Variants in ASAP1 observed in about 807,000 individuals in gnomAD.
ASAP1 encodes the protein arf-GAP with SH3 domain, ANK repeat and PH domain-containing protein 1.
A neutral mutation model predicts 145.2 loss-of-function variants in ASAP1; 43 were observed. That is an observed-to-expected ratio of 0.30 (90% CI 0.23 to 0.38). ASAP1 has a LOEUF of 0.38. ASAP1 is among the 10% of genes least tolerant of loss of function. The pLI is 1.00. For missense variants in ASAP1, 1,018 were observed against 1,355.3 expected (o/e 0.75, Z 3.91); for synonymous variants, 546 against 515.5 (o/e 1.06, Z -0.80).
intron 27 of ASAP1, among the ~76,000 whole-genome samples, chr8:130,073,821 T>C (rs1753641847): frequency 6.6e-6 from 1 of 152,204 alleles, no homozygotes; most frequent in Non-Finnish European, 1.5e-5. Context: ...CACCTCGTGA[T>C]AGAACACACT....
At position 130,077,455 on chromosome 8, in the gene ASAP1, C is replaced by T. The variant is rs2097465380; in HGVS notation, c.2643-1049G>A. 2.0e-5 allele frequency among the ~76,000 whole-genome samples: 3 copies of T among 152,068 alleles called. No individual in the cohort carries two copies. The South Asian group carries it at 6.2e-4, about 32-fold the overall frequency. ...GCAGCAGTAGCCAAGTGCCTGAGCCCCATCTGCCAAGAACCCCTTTATTAT... is the reference window on the plus strand; with the variant it reads ...GCAGCAGTAGCCAAGTGCCTGAGCCTCATCTGCCAAGAACCCCTTTATTAT... On this transcript the variant is annotated intron_variant, in intron 26 of 29. Transcript: ENST00000518721.
At chr8:130,328,494 C>A (rs1267132887) in intron 3 of ASAP1, among the ~76,000 whole-genome samples, 1 of 152,260 alleles carries the variant, frequency 6.6e-6, no homozygotes, top group Admixed American at 6.5e-5. Flanking sequence ...AGGCCCTCCA[C>A]ACAAACACAA....
chr8:130,371,466 T>C (rs967699883), intron 2 of ASAP1, among the ~76,000 whole-genome samples: 2 of 152,200 alleles, frequency 1.3e-5, no homozygotes, highest in Non-Finnish European at 2.9e-5. Context: ...GGGGCAGCAA[T>C]GTGTTTAGCT....
chr8:130,195,174 A>G (rs1815396709), intron 5 of ASAP1: 1 of 152,154 alleles, frequency 6.6e-6, no homozygotes, highest in Admixed American at 6.5e-5. Flanking sequence ...ATTCAAGTCT[A>G]TAAGAAGTCG....
intron 24 of ASAP1, among the ~76,000 whole-genome samples, chr8:130,107,516 ATGTATGTATGTATGT>A (rs1183113836): frequency 5.4e-4 from 44 of 81,882 alleles, no homozygotes; most frequent in South Asian, 2.3e-3. Context: ...TTTTTAAAAA[ATGTATGTATGTATGT>A]ATGTATGTAT....
At chr8:130,348,802 TG>T (rs1266725370) in intron 3 of ASAP1, among the ~76,000 whole-genome samples, 9 of 152,224 alleles carry the variant, frequency 5.9e-5, no homozygotes, top group African/African-American at 2.2e-4. Flanking sequence ...TGCCATGCTC[TG>T]TACCAGTCAG....
intron 5 of ASAP1, among the ~76,000 whole-genome samples, chr8:130,209,550 T>TAAAA (rs145484434): frequency 7.2e-6 from 1 of 138,744 alleles, no homozygotes. Context: ...GCTCTTACAG[T>TAAAA]AAAAAAAAAA....
intron 1 of ASAP1, among the ~76,000 whole-genome samples, chr8:130,405,107 T>C (rs148026645): frequency 2.8e-4 from 42 of 152,068 alleles, no homozygotes; most frequent in African/African-American, 1.0e-3. Flanking sequence ...ACTGCCTAAT[T>C]CACATGGGAA....
intron 3 of ASAP1, among the ~76,000 whole-genome samples, chr8:130,349,751 G>C (rs1238514841): frequency 6.6e-6 from 1 of 152,182 alleles, no homozygotes; most frequent in Non-Finnish European, 1.5e-5. Flanking sequence ...GTCAGACCTT[G>C]ACACCCATAG....
At chr8:130,314,811 C>G (rs1823570904) in intron 3 of ASAP1, among the ~76,000 whole-genome samples, 1 of 152,206 alleles carries the variant, frequency 6.6e-6, no homozygotes, top group African/African-American at 2.4e-5. Flanking sequence ...TCGGGATGTG[C>G]AGACAACTAC....
chr8:130,361,990 C>T (rs1325838714), intron 2 of ASAP1, among the ~76,000 whole-genome samples: 1 of 152,184 alleles, frequency 6.6e-6, no homozygotes, highest in Non-Finnish European at 1.5e-5. Flanking sequence ...CTGCCTCTTA[C>T]TCTGAGCACT....
intron 18 of ASAP1, among the ~76,000 whole-genome samples, chr8:130,120,511 T>G (rs1564982841): frequency 6.6e-6 from 1 of 152,208 alleles, no homozygotes; most frequent in Non-Finnish European, 1.5e-5. Flanking sequence ...AGGGGTTCAT[T>G]TGAAAGCTTC....
chr8:130,359,618 GTT>G (rs35447783), intron 2 of ASAP1, among the ~76,000 whole-genome samples: 10 of 134,134 alleles, frequency 7.5e-5, no homozygotes, highest in Non-Finnish European at 9.6e-5. Context: ...ATCTTGCACT[GTT>G]TTTTTTTTTT....
chr8:130,072,824 T>TGTGTGTGTGTGTGTGTGTGTGCGC lies in ASAP1; in HGVS notation c.2701+3523_2701+3524insGCGCACACACACACACACACACAC. Among the ~76,000 whole-genome samples, 15 of 32,270 alleles carry TGTGTGTGTGTGTGTGTGTGTGCGC rather than the reference T, an allele frequency of 4.6e-4. 2 individuals are homozygous for TGTGTGTGTGTGTGTGTGTGTGCGC. Among genetic ancestry groups the TGTGTGTGTGTGTGTGTGTGTGCGC allele is most frequent in the Non-Finnish European group, 7.5e-4 (13 of 17,424 alleles). The allele number at this position is 32,270 out of a possible 152,430, so 21.2% of individuals were successfully genotyped here. A position where few individuals can be genotyped will look rare whatever the true frequency, so the allele number is the denominator to read the frequency against. On this transcript the variant is annotated intron_variant, in intron 27 of 29. Coordinates refer to ENST00000518721, the MANE Select transcript of ASAP1 (RefSeq NM_018482.4). ...GTGTGTGTGTGTGTGTGTGTGTGTGTGCGCGCGGGGGGGGGCAGTTTTGGG... is the reference window on the plus strand; with the variant it reads ...GTGTGTGTGTGTGTGTGTGTGTGTGTGTGTGTGTGTGTGTGTGTGTGCGCGCGCGCGGGGGGGGGCAGTTTTGGG...
At chr8:130,185,698 T>C (rs117944071) in intron 7 of ASAP1, among the ~76,000 whole-genome samples, 2,900 of 122,156 alleles carry the variant, frequency 0.024, 43 homozygotes, top group Middle Eastern at 0.11. Context: ...CACTGAACTC[T>C]AGCCTGGGCA....
At chr8:130,430,189 C>A (rs1830089594) in intron 1 of ASAP1, among the ~76,000 whole-genome samples, 2 of 152,112 alleles carry the variant, frequency 1.3e-5, no homozygotes, top group Non-Finnish European at 2.9e-5. Context: ...TAAAAAGGAA[C>A]AAAGGAATAA....
At chr8:130,429,333 C>A (rs1391551802) in intron 1 of ASAP1, among the ~76,000 whole-genome samples, 3 of 152,222 alleles carry the variant, frequency 2.0e-5, no homozygotes, top group Non-Finnish European at 4.4e-5. Flanking sequence ...GGATAGCTAA[C>A]ATTTCCTCTC....
chr8:130,401,980 G>C lies in ASAP1; in HGVS notation c.-27-10C>G. On this transcript the variant is annotated splice_polypyrimidine_tract_variant and intron_variant, in intron 1 of 29. Coordinates refer to ENST00000518721, the MANE Select transcript of ASAP1 (RefSeq NM_018482.4). ...CACATCAGAAAACGACCTGGATAGG[G>C]GGCAGGACAAAAAGGGGACAAGAGT... 1.3e-6 allele frequency: 2 copies of C among 1,589,410 alleles called. No individual in the cohort carries two copies. Among genetic ancestry groups the C allele is most frequent in the Non-Finnish European group, 1.7e-6 (2 of 1,162,164 alleles).
At chr8:130,438,590 A>G (rs79216291) in intron 1 of ASAP1, among the ~76,000 whole-genome samples, 4,796 of 152,308 alleles carry the variant, frequency 0.031, 96 homozygotes, top group African/African-American at 0.057. Context: ...GACTTGGGGT[A>G]CGAGGCGGGG....
Sources: gnomAD v4.1 joint callset for allele counts (sites outside exome capture counted in the v4.1 genomes callset) on GRCh38, gnomAD v4.1.1 for gene constraint, MANE v1.5 for transcripts, NCBI Gene and HGNC (gene_info 2026-07-23, HGNC 2026-07-21) for gene names.